The following RBFOX1 variants were observed in gnomAD, a reference collection of about 807,000 sequenced individuals.
RBFOX1 encodes the protein RNA binding protein fox-1 homolog 1.
Under a neutral mutation model 57.7 loss-of-function variants are expected in RBFOX1, and 8 were observed. The observed-to-expected ratio is 0.14, with a 90% CI of 0.08 to 0.25. The LOEUF (loss-of-function observed/expected upper bound fraction) is 0.25, where lower values mean the gene tolerates loss of function less well. Ranked by LOEUF, RBFOX1 falls within the 10% of genes least tolerant of loss-of-function variation. The pLI, the probability that RBFOX1 is intolerant of heterozygous loss-of-function variation, is 1.00. For synonymous variants in RBFOX1, 326 were observed against 222.4 expected (o/e 1.47, Z -4.15); for missense variants, 611 against 548.5 (o/e 1.11, Z -1.14).
chr16:7,310,692 C>T (rs1476920144), intron 4 of RBFOX1, among the ~76,000 whole-genome samples: 1 of 152,164 alleles, frequency 6.6e-6, no homozygotes, highest in East Asian at 1.9e-4. Context: ...CATAGACTTG[C>T]CCAAACCAAA....
At chr16:7,230,324 A>G (rs776607253) in intron 4 of RBFOX1, among the ~76,000 whole-genome samples, 7 of 152,248 alleles carry the variant, frequency 4.6e-5, no homozygotes, top group African/African-American at 9.6e-5. Flanking sequence ...CAATAATTCA[A>G]TAATTACTCC....
At chr16:6,357,910 T>G (rs972745557) in intron 2 of RBFOX1, among the ~76,000 whole-genome samples, 1 of 148,880 alleles carries the variant, frequency 6.7e-6, no homozygotes, top group Non-Finnish European at 1.5e-5. Flanking sequence ...TGAGCTGAGA[T>G]CGTGCCACTT....
intron 2 of RBFOX1, among the ~76,000 whole-genome samples, chr16:5,562,036 G>C (rs2045907393): frequency 6.6e-6 from 1 of 152,114 alleles, no homozygotes; most frequent in African/African-American, 2.4e-5. Context: ...CTTGTCTTTT[G>C]TCAGCTGTTT....
intron 4 of RBFOX1, among the ~76,000 whole-genome samples, chr16:7,144,114 C>T (rs555431926): frequency 1.1e-3 from 162 of 152,244 alleles, no homozygotes; most frequent in Middle Eastern, 3.4e-3. Flanking sequence ...GAATTTGCTC[C>T]TCTAGGTAAT....
In RBFOX1 at chr16:5,454,898, C is replaced by G. The variant is rs1192710539; in HGVS notation, c.220-12318C>G. Among the ~76,000 whole-genome samples the G allele has an allele frequency of 6.1e-3, 405 of 66,514 alleles. 20 individuals are homozygous for G. The highest frequency in any genetic ancestry group is 0.037 in the East Asian group (92 of 2,482). 43.6% of individuals were successfully genotyped at this position (66,514 alleles called of 152,430 possible). The stretch of plus-strand genomic sequence containing the variant: ...TCTTTCTTTCTTTCTTTCTTTCTTT[C>G]TTTCTTTCTTTCTTTCCTTTGTTTC... On this transcript the variant is annotated intron_variant, in intron 1 of 2. Coordinates refer to the RBFOX1 transcript ENST00000585867.
chr16:7,097,379 G>C (rs1228624284), intron 4 of RBFOX1, among the ~76,000 whole-genome samples: 1 of 152,096 alleles, frequency 6.6e-6, no homozygotes, highest in African/African-American at 2.4e-5. Context: ...GATTAGAGTT[G>C]CTTGCATCAA....
intron 1 of RBFOX1, among the ~76,000 whole-genome samples, chr16:5,327,918 C>G (rs1359707081): frequency 1.3e-5 from 2 of 152,158 alleles, no homozygotes; most frequent in Non-Finnish European, 2.9e-5. Context: ...GGTTGTATCC[C>G]TTTCTGGCTT....
At chr16:6,885,171 A>T (rs551745922) in intron 3 of RBFOX1, among the ~76,000 whole-genome samples, 1 of 152,280 alleles carries the variant, frequency 6.6e-6, no homozygotes, top group African/African-American at 2.4e-5. Context: ...CCTAATTCCC[A>T]GGTAGTAATT....
At chr16:5,270,195 TG>T in intron 1 of RBFOX1, 1 of 439,944 alleles carries the variant, frequency 2.3e-6, no homozygotes, top group Non-Finnish European at 4.2e-6. Flanking sequence ...TAAGAACAAG[TG>T]CCTTATGAAA....
intron 1 of RBFOX1, among the ~76,000 whole-genome samples, chr16:6,307,824 T>C (rs1300868152): frequency 6.8e-6 from 1 of 147,244 alleles, no homozygotes; most frequent in Non-Finnish European, 1.5e-5. Flanking sequence ...GATAATTATG[T>C]TATTTATATG....
intron 2 of RBFOX1, among the ~76,000 whole-genome samples, chr16:5,508,724 G>T (rs1014177057): frequency 6.6e-6 from 1 of 152,134 alleles, no homozygotes; most frequent in African/African-American, 2.4e-5. Flanking sequence ...AAGGTGGGGC[G>T]GGGGAGATTG....
At chr16:5,919,016 T>C (rs1422599000) in intron 4 of RBFOX1, among the ~76,000 whole-genome samples, 2 of 152,286 alleles carry the variant, frequency 1.3e-5, no homozygotes. Flanking sequence ...CATGGGATAA[T>C]TTGCCTCTCA....
At chr16:5,647,786 G>C (rs1290936667) in intron 3 of RBFOX1, among the ~76,000 whole-genome samples, 1 of 152,186 alleles carries the variant, frequency 6.6e-6, no homozygotes, top group African/African-American at 2.4e-5. Flanking sequence ...AACAGATTCT[G>C]TGTGTGCTTT....
chr16:6,776,770 T>A (rs928334584), intron 3 of RBFOX1, among the ~76,000 whole-genome samples: 2 of 152,236 alleles, frequency 1.3e-5, no homozygotes, highest in African/African-American at 4.8e-5. Context: ...ACTAATGCAA[T>A]CAAATTAGAA....
At chr16:5,949,253 C>T (rs992594690) in intron 4 of RBFOX1, among the ~76,000 whole-genome samples, 21 of 152,110 alleles carry the variant, frequency 1.4e-4, no homozygotes, top group African/African-American at 4.6e-4. Context: ...AGTGTCCTTT[C>T]TAGCTATCTT....
In RBFOX1 at chr16:7,434,419, C is replaced by T. The variant is rs1054668950; in HGVS notation, c.28-83728C>T. 5.9e-5 allele frequency among the ~76,000 whole-genome samples: 9 copies of T among 151,992 alleles called. No individual in the cohort carries two copies. The South Asian group carries it at 1.3e-3, about 21-fold the overall frequency. On this transcript the variant is annotated intron_variant, in intron 4 of 15. Transcript: ENST00000550418. ...CCCGGGAGGCGGAGCTTGCAGTGAG[C>T]CGAGATAGCACCACTGCACTCCAGC...
At position 6,974,920 on chromosome 16, in the gene RBFOX1, T is replaced by A. The variant is rs576630005; in HGVS notation, c.-15-77137T>A. Among the ~76,000 whole-genome samples the A allele has an allele frequency of 2.0e-5, 3 of 152,238 alleles. No homozygotes were observed. The East Asian group carries it at 5.8e-4, about 29-fold the overall frequency. ...GAGAAATCCAGCATGTCCTGGACCC[T>A]CCCTCTTTTAAAACACTTTTTTAAA... On this transcript the variant is annotated intron_variant, in intron 3 of 15. Transcript: ENST00000550418.
intron 14 of RBFOX1, among the ~76,000 whole-genome samples, chr16:7,705,785 T>G (rs2082243541): frequency 6.6e-6 from 1 of 152,148 alleles, no homozygotes; most frequent in African/African-American, 2.4e-5. Context: ...GCTGTTGAGT[T>G]GGTGTTGATG....
chr16:6,004,775 G>A (rs909395015), intron 4 of RBFOX1, among the ~76,000 whole-genome samples: 2 of 152,170 alleles, frequency 1.3e-5, no homozygotes, highest in African/African-American at 4.8e-5. Context: ...GTGAACCTCG[G>A]AGTACTTTTT....
Sources: allele counts gnomAD v4.1 joint callset (sites outside exome capture counted in the v4.1 genomes callset), GRCh38; gene constraint gnomAD v4.1.1; transcripts MANE v1.5; gene names NCBI Gene and HGNC (gene_info 2026-07-23, HGNC 2026-07-21).